MGAT4C: variants seen among roughly 807,000 people sequenced by gnomAD.
The protein encoded by MGAT4C is alpha-1,3-mannosyl-glycoprotein 4-beta-N-acetylglucosaminyltransferase C.
In MGAT4C, 19 loss-of-function variants were observed where a neutral mutation model predicts 40.1. The observed-to-expected ratio is 0.47, with a 90% CI of 0.33 to 0.70. The LOEUF (loss-of-function observed/expected upper bound fraction) is 0.70. Among genes scored for constraint, MGAT4C ranks in the 30% least tolerant of loss-of-function variants. The pLI is 0.02. For synonymous variants in MGAT4C, 181 were observed against 187.1 expected, an observed-to-expected ratio of 0.97 and a Z score of 0.27; for missense variants, 491 against 563.2, an observed-to-expected ratio of 0.87 and a Z score of 1.30.
rs1450718285 is a variant in MGAT4C, at chr12:85,973,598, C to T, written c.*5691G>A. The stretch of plus-strand genomic sequence containing the variant: ...TATTATTATGTCTTTGGCTCACCTA[C>T]TTTAAGGAGATGGCTACTTAGGGTA... On this transcript the variant is annotated 3_prime_UTR_variant, in exon 5 of 5. Coordinates refer to ENST00000611864, the MANE Select transcript of MGAT4C (RefSeq NM_001351288.2). 6.6e-6 allele frequency: 1 copy of T among 150,822 alleles called. No individual in the cohort carries two copies. The highest frequency in any genetic ancestry group is 2.4e-5 in the African/African-American group (1 of 41,296). The allele number at this position is 150,822 out of a possible 1,614,324, so 9.3% of individuals were successfully genotyped here.
At chr12:86,347,754 C>T (rs1440145727) in intron 3 of MGAT4C, among the ~76,000 whole-genome samples, 1 of 152,162 alleles carries the variant, frequency 6.6e-6, no homozygotes, top group Non-Finnish European at 1.5e-5. Flanking sequence ...AAAAATCGGA[C>T]CATAAGCATA....
At chr12:86,179,016 A>G (rs1887801900) in intron 1 of MGAT4C, among the ~76,000 whole-genome samples, 1 of 152,148 alleles carries the variant, frequency 6.6e-6, no homozygotes, top group South Asian at 2.1e-4. Flanking sequence ...ACACCTGAAT[A>G]TGGTTTGGCT....
chr12:86,330,951 T>A (rs543495910), intron 4 of MGAT4C, among the ~76,000 whole-genome samples: 2 of 152,280 alleles, frequency 1.3e-5, no homozygotes, highest in Admixed American at 1.3e-4. Flanking sequence ...TTATTATCCC[T>A]ATACATGTAT....
intron 2 of MGAT4C, among the ~76,000 whole-genome samples, chr12:86,020,415 T>C (rs537077947): frequency 2.8e-3 from 421 of 152,202 alleles, no homozygotes; most frequent in African/African-American, 9.2e-3. Context: ...AGAACAGAGC[T>C]CTCAGAAATA....
intron 3 of MGAT4C, among the ~76,000 whole-genome samples, chr12:86,424,242 A>G (rs1304553767): frequency 6.6e-6 from 1 of 152,232 alleles, no homozygotes; most frequent in Admixed American, 6.5e-5. Flanking sequence ...CATCACCTGT[A>G]AAAGAAGAAT....
intron 4 of MGAT4C, among the ~76,000 whole-genome samples, chr12:86,327,706 C>T (rs1431550318): frequency 2.0e-5 from 3 of 151,828 alleles, no homozygotes; most frequent in Admixed American, 2.0e-4. Flanking sequence ...AAGGAAATTC[C>T]ACCTACAAAA....
At chr12:86,500,814 C>A (rs528619381) in intron 2 of MGAT4C, among the ~76,000 whole-genome samples, 1 of 151,848 alleles carries the variant, frequency 6.6e-6, no homozygotes, top group Admixed American at 6.6e-5. Flanking sequence ...AATATAAACA[C>A]AAAAATCTGA....
chr12:86,222,228 A>C (rs1950908950), intron 1 of MGAT4C, among the ~76,000 whole-genome samples: 2 of 152,222 alleles, frequency 1.3e-5, no homozygotes, highest in Admixed American at 1.3e-4. Context: ...TACAGATCAC[A>C]AAGAATTGAA....
intron 4 of MGAT4C, among the ~76,000 whole-genome samples, chr12:86,322,229 G>A (rs1392259471): frequency 8.5e-6 from 1 of 117,746 alleles, no homozygotes; most frequent in Non-Finnish European, 1.7e-5. Flanking sequence ...GTCGTGGGGT[G>A]GGGGGAGGGG....
intron 2 of MGAT4C, among the ~76,000 whole-genome samples, chr12:86,704,653 C>T (rs901365492): frequency 3.9e-5 from 6 of 152,080 alleles, no homozygotes; most frequent in Admixed American, 3.3e-4. Context: ...TAACAATCAA[C>T]TTATAAGGCA....
intron 2 of MGAT4C, among the ~76,000 whole-genome samples, chr12:86,610,306 GC>G (rs1962202954): frequency 6.6e-6 from 1 of 152,142 alleles, no homozygotes; most frequent in Non-Finnish European, 1.5e-5. Flanking sequence ...TACTATACTT[GC>G]TCAGGAGGAT....
intron 2 of MGAT4C, among the ~76,000 whole-genome samples, chr12:86,034,925 C>T (rs1014252076): frequency 6.7e-6 from 1 of 150,070 alleles, no homozygotes; most frequent in Non-Finnish European, 1.5e-5. Context: ...TTTTTTATGG[C>T]TGCATAGTAT....
At chr12:86,342,065 C>T (rs894322741) in intron 3 of MGAT4C, among the ~76,000 whole-genome samples, 10 of 152,088 alleles carry the variant, frequency 6.6e-5, no homozygotes, top group South Asian at 2.1e-4. Flanking sequence ...TGGGGGGGAC[C>T]TCTCAACTGG....
At chr12:86,057,084 ATTTCT>A (rs946311533) in intron 1 of MGAT4C, among the ~76,000 whole-genome samples, 1 of 152,066 alleles carries the variant, frequency 6.6e-6, no homozygotes, top group Non-Finnish European at 1.5e-5. Flanking sequence ...ATTTAAAAAA[ATTTCT>A]TTTATATCCT....
chr12:86,358,809 G>A (rs888966020), intron 3 of MGAT4C, among the ~76,000 whole-genome samples: 1 of 152,146 alleles, frequency 6.6e-6, no homozygotes, highest in African/African-American at 2.4e-5. Flanking sequence ...CAATACAGGA[G>A]CACCCAGATT....
intron 1 of MGAT4C, among the ~76,000 whole-genome samples, chr12:86,132,484 G>C (rs1840539744): frequency 6.6e-6 from 1 of 151,952 alleles, no homozygotes; most frequent in South Asian, 2.1e-4. Flanking sequence ...AAACTTTCTT[G>C]TAATTAAAAC....
At position 85,958,447 on chromosome 12, in the gene MGAT4C, A is replaced by G. The variant is rs1180867217; in HGVS notation, c.*20842T>C. The G allele has an allele frequency of 1.3e-5, 2 of 152,134 alleles. No homozygotes were observed. Among genetic ancestry groups the G allele is most frequent in the Non-Finnish European group, 2.9e-5 (2 of 68,012 alleles). The allele number at this position is 152,134 out of a possible 1,614,324, so 9.4% of individuals were successfully genotyped here. ...ATTCATTTAACTTTTCAATGAATCA[A>G]TCTTCTTATTTTCTCAGACATATAA... On this transcript the variant is annotated 3_prime_UTR_variant, in exon 5 of 5. Coordinates refer to ENST00000611864, the MANE Select transcript of MGAT4C (RefSeq NM_001351288.2).
chr12:86,269,546 C>A (rs561754923), intron 4 of MGAT4C, among the ~76,000 whole-genome samples: 5 of 151,522 alleles, frequency 3.3e-5, no homozygotes, highest in African/African-American at 1.2e-4. Flanking sequence ...TATAAACTCT[C>A]CAATTCAGGT....
intron 1 of MGAT4C, among the ~76,000 whole-genome samples, chr12:86,082,161 A>G (rs914850140): frequency 6.6e-5 from 10 of 152,180 alleles, no homozygotes; most frequent in South Asian, 4.1e-4. Context: ...GCACAGTATA[A>G]TAAAAAACCA....
Sources: gnomAD v4.1 joint callset for allele counts (sites outside exome capture counted in the v4.1 genomes callset) on GRCh38, gnomAD v4.1.1 for gene constraint, MANE v1.5 for transcripts, NCBI Gene and HGNC (gene_info 2026-07-23, HGNC 2026-07-21) for gene names.